ZNF600: variants seen among roughly 807,000 people sequenced by gnomAD.
The protein encoded by ZNF600 is zinc finger protein 600, also known as zinc finger protein KR-ZNF1.
In ZNF600, 4 loss-of-function variants were observed where a neutral mutation model predicts 7.3. The ratio of observed to expected loss-of-function variants is 0.55; its 90% CI spans 0.27 to 1.25. The LOEUF (loss-of-function observed/expected upper bound fraction) is 1.25. Among genes scored for constraint, ZNF600 ranks in the 50% most tolerant of loss-of-function variants. The pLI is 0.12. For synonymous variants in ZNF600, 290 were observed against 308.9 expected (o/e 0.94, Z 0.64); for missense variants, 911 against 922.1 (o/e 0.99, Z 0.16).
intron 2 of ZNF600, among the ~76,000 whole-genome samples, chr19:52,775,748 C>T (rs1481232168): frequency 6.6e-6 from 1 of 152,128 alleles, no homozygotes; most frequent in African/African-American, 2.4e-5. Context: ...GTGGCTCATG[C>T]CTGTAATTCC....
exon 3 of ZNF600, chr19:52,774,638 G>A: frequency 1.0e-6 from 1 of 985,264 alleles, no homozygotes; most frequent in South Asian, 4.7e-5. Flanking sequence ...CTCTGCGAAG[G>A]GTTCAGGCAT....
chr19:52,808,995 T>C, the ZNF600 span, among the ~76,000 whole-genome samples: 1 of 152,206 alleles, frequency 6.6e-6, no homozygotes, highest in Non-Finnish European at 1.5e-5. Flanking sequence ...CAGATGTGTG[T>C]ATATATGTAT....
chr19:52,767,755 T>G (rs2062600452), exon 4 of ZNF600: 6 of 1,576,112 alleles, frequency 3.8e-6, no homozygotes, highest in South Asian at 1.2e-5. Context: ...TCCTTCATCA[T>G]GCGTTTGGAA....
At chr19:52,800,262 C>T in the ZNF600 span, 3 of 1,613,356 alleles carry the variant, frequency 1.9e-6, no homozygotes, top group African/African-American at 1.3e-5. Flanking sequence ...AACCTTGCCA[C>T]ATTCATTACA....
At chr19:52,823,052 A>G in the ZNF600 span, among the ~76,000 whole-genome samples, 987 of 152,246 alleles carry the variant, frequency 6.5e-3, 12 homozygotes, top group African/African-American at 0.022. Flanking sequence ...GCTGCAGCAA[A>G]TTGATTGGTT....
chr19:52,810,651 C>G, the ZNF600 span: 10 of 1,210,808 alleles, frequency 8.3e-6, no homozygotes, highest in Non-Finnish European at 1.2e-5. Flanking sequence ...ACAGCAGGCT[C>G]TGGGGTCGCG....
At chr19:52,831,164 C>G in the ZNF600 span, among the ~76,000 whole-genome samples, 2 of 152,146 alleles carry the variant, frequency 1.3e-5, no homozygotes, top group African/African-American at 4.8e-5. Flanking sequence ...TGAGTAAAGT[C>G]TACGAGGAGT....
At chr19:52,818,440 C>G in the ZNF600 span, among the ~76,000 whole-genome samples, 4 of 152,004 alleles carry the variant, frequency 2.6e-5, no homozygotes, top group Admixed American at 6.6e-5. Context: ...GGGCTGGGCT[C>G]AGTGGCTCAT....
In ZNF600 at chr19:52,778,817, T is replaced by C; in HGVS notation, c.63+9A>G. ...AGACAGATTAATCCACAGAGGAATA[T>C]CACTTCACCTGAGGAAGAGCCATGC... On this transcript the variant is annotated intron_variant, in intron 2 of 3. Coordinates refer to ENST00000648973, the Ensembl canonical transcript of ZNF600. The C allele has an allele frequency of 1.2e-6, 2 of 1,603,860 alleles. No homozygotes were observed. The highest frequency in any genetic ancestry group is 1.7e-5 in the Admixed American group (1 of 58,612).
the ZNF600 span, among the ~76,000 whole-genome samples, chr19:52,812,982 T>C: frequency 3.3e-5 from 5 of 151,334 alleles, no homozygotes; most frequent in South Asian, 1.0e-3. Context: ...AGGTTAATGC[T>C]TAGTAATAAA....
chr19:52,801,015 C>A, the ZNF600 span: 1 of 1,613,960 alleles, frequency 6.2e-7, no homozygotes, highest in Admixed American at 1.7e-5. Context: ...AAAGATCTTG[C>A]CACACTCATT....
At chr19:52,809,822 AGGC>A in the ZNF600 span, 73 of 526,478 alleles carry the variant, frequency 1.4e-4, no homozygotes, top group South Asian at 4.4e-4. Context: ...TGAGCGGCGA[AGGC>A]GGCGGCGGCG....
chr19:52,831,717 G>T, the ZNF600 span, among the ~76,000 whole-genome samples: 3 of 152,004 alleles, frequency 2.0e-5, no homozygotes, highest in Non-Finnish European at 4.4e-5. Flanking sequence ...TGTTAGCCAG[G>T]ATGGTCTCGA....
chr19:52,820,673 T>G, the ZNF600 span, among the ~76,000 whole-genome samples: 5 of 152,158 alleles, frequency 3.3e-5, no homozygotes, highest in African/African-American at 4.8e-5. Flanking sequence ...CTCACTCTGA[T>G]GAGCCTCCAC....
intron 2 of ZNF600, among the ~76,000 whole-genome samples, chr19:52,774,962 A>C (rs935927611): frequency 5.9e-5 from 9 of 152,216 alleles, no homozygotes; most frequent in African/African-American, 2.2e-4. Context: ...ACACAGGGCC[A>C]GGCATGGTGG....
chr19:52,799,861 G>A, the ZNF600 span: 3 of 1,613,884 alleles, frequency 1.9e-6, no homozygotes, highest in Non-Finnish European at 2.5e-6. Context: ...CACTTGTAAG[G>A]TTTCTCTCCA....
At chr19:52,824,477 A>T in the ZNF600 span, among the ~76,000 whole-genome samples, 11 of 152,120 alleles carry the variant, frequency 7.2e-5, no homozygotes, top group Admixed American at 5.9e-4. Flanking sequence ...TCTACTAAAG[A>T]TACAAAAATT....
the ZNF600 span, among the ~76,000 whole-genome samples, chr19:52,822,030 A>G: frequency 3.9e-5 from 5 of 127,584 alleles, 1 homozygote; most frequent in East Asian, 2.1e-4. Flanking sequence ...AAAGAGATCT[A>G]TTACTTTCTC....
the ZNF600 span, among the ~76,000 whole-genome samples, chr19:52,832,455 CA>C: frequency 6.6e-6 from 1 of 151,770 alleles, no homozygotes; most frequent in African/African-American, 2.4e-5. Flanking sequence ...ATTAGTCAGG[CA>C]AGGTGGCACA....
Sources: allele counts gnomAD v4.1 joint callset (sites outside exome capture counted in the v4.1 genomes callset), GRCh38; gene constraint gnomAD v4.1.1; transcripts MANE v1.5; gene names NCBI Gene and HGNC (gene_info 2026-07-23, HGNC 2026-07-21).